The following SLC9A2 variants were observed in gnomAD, a reference collection of about 807,000 sequenced individuals.
SLC9A2 encodes sodium/hydrogen exchanger 2.
Under a neutral mutation model 71.7 loss-of-function variants are expected in SLC9A2, and 42 were observed. The observed-to-expected ratio is 0.59, with a 90% CI of 0.46 to 0.76. The LOEUF (loss-of-function observed/expected upper bound fraction) is 0.76, where lower values mean the gene tolerates loss of function less well. Ranked by LOEUF, SLC9A2 falls within the 30% of genes least tolerant of loss-of-function variation. The pLI, the probability that SLC9A2 is intolerant of heterozygous loss-of-function variation, is 0.00. For synonymous variants in SLC9A2, 396 were observed against 392.5 expected, an observed-to-expected ratio of 1.01 and a Z score of -0.10; for missense variants, 829 against 1,017.4, an observed-to-expected ratio of 0.81 and a Z score of 2.52.
chr2:102,690,029 T>G (rs2104544926), intron 5 of SLC9A2, among the ~76,000 whole-genome samples: 1 of 152,228 alleles, frequency 6.6e-6, no homozygotes, highest in South Asian at 2.1e-4. Flanking sequence ...CAATATATGG[T>G]TTTTAACACA....
intron 5 of SLC9A2, among the ~76,000 whole-genome samples, chr2:102,693,187 G>A (rs1677696042): frequency 6.6e-6 from 1 of 151,848 alleles, no homozygotes; most frequent in Non-Finnish European, 1.5e-5. Flanking sequence ...GTTAGTTACT[G>A]TACCAAATTT....
At chr2:102,707,146 G>A (rs1174755405) in intron 11 of SLC9A2, among the ~76,000 whole-genome samples, 4 of 152,170 alleles carry the variant, frequency 2.6e-5, no homozygotes, top group East Asian at 1.9e-4. Context: ...ATTACCCATT[G>A]GTACTATGCT....
rs141048533 is a variant in SLC9A2, at chr2:102,645,697, A to C, written c.290-11867A>C. Among the ~76,000 whole-genome samples, 96 of 152,166 alleles carry C rather than the reference A, an allele frequency of 6.3e-4. 2 individuals are homozygous for C. The East Asian group carries it at 0.016, about 26-fold the overall frequency. ...CCGAATTAATCAAGCGGAAGAAAGG[A>C]TATCAGAGATTGGAGATCAACTTAA... On this transcript the variant is annotated intron_variant, in intron 1 of 11. Coordinates refer to ENST00000233969, the MANE Select transcript of SLC9A2 (RefSeq NM_003048.6).
At chr2:102,629,569 A>C (rs1029383042) in intron 1 of SLC9A2, among the ~76,000 whole-genome samples, 1 of 152,146 alleles carries the variant, frequency 6.6e-6, no homozygotes, top group Non-Finnish European at 1.5e-5. Flanking sequence ...CTTATTGTGT[A>C]TAATGATATA....
intron 5 of SLC9A2, among the ~76,000 whole-genome samples, chr2:102,688,060 G>A (rs557220986): frequency 1.7e-4 from 26 of 152,224 alleles, no homozygotes; most frequent in Admixed American, 9.8e-4. Context: ...GATTACAAGC[G>A]CGAGCACCAC....
chr2:102,674,399 T>C (rs1469257948), intron 3 of SLC9A2, among the ~76,000 whole-genome samples: 1 of 152,180 alleles, frequency 6.6e-6, no homozygotes, highest in Non-Finnish European at 1.5e-5. Flanking sequence ...CCCTCCTGTG[T>C]TGGCTTCTGG....
In SLC9A2 at chr2:102,709,130, A is replaced by G. The variant is rs953847750; in HGVS notation, c.*641A>G. The G allele has an allele frequency of 2.0e-5, 3 of 152,542 alleles. No individual in the cohort carries two copies. The highest frequency in any genetic ancestry group is 4.4e-5 in the Non-Finnish European group (3 of 68,174). 9.4% of individuals were successfully genotyped at this position (152,542 alleles called of 1,614,324 possible). A position where few individuals can be genotyped will look rare whatever the true frequency, so the allele number is the denominator to read the frequency against. On this transcript the variant is annotated 3_prime_UTR_variant, in exon 12 of 12. Transcript: ENST00000233969. ...GCAGATTGGAGGCCCCAGAACTCCT[A>G]TGAACTACTGAGAGTCTACTGGTTT...
At chr2:102,629,368 C>T (rs1163310179) in intron 1 of SLC9A2, among the ~76,000 whole-genome samples, 3 of 151,926 alleles carry the variant, frequency 2.0e-5, no homozygotes, top group East Asian at 1.9e-4. Flanking sequence ...CTTGATTTTG[C>T]GCATGTACTT....
chr2:102,672,080 G>A (rs756491750), intron 3 of SLC9A2, among the ~76,000 whole-genome samples: 7 of 152,086 alleles, frequency 4.6e-5, no homozygotes, highest in Non-Finnish European at 8.8e-5. Context: ...CTGCACTCCA[G>A]CCTGGGAGAC....
intron 7 of SLC9A2, among the ~76,000 whole-genome samples, chr2:102,698,811 C>T (rs1235396903): frequency 6.6e-6 from 1 of 152,198 alleles, no homozygotes. Flanking sequence ...CTGACCAAAG[C>T]AAGGAACATT....
At chr2:102,683,611 G>C (rs41280599) in intron 4 of SLC9A2, 133 bp downstream of exon 4, 1 of 689,408 alleles carries the variant, frequency 1.5e-6, no homozygotes. Context: ...TCTTACCTAC[G>C]TCTTCCTCCT....
At chr2:102,654,137 G>A (rs1005301114) in intron 1 of SLC9A2, among the ~76,000 whole-genome samples, 3 of 151,378 alleles carry the variant, frequency 2.0e-5, no homozygotes, top group Non-Finnish European at 2.9e-5. Flanking sequence ...CCGCGTTAAG[G>A]AAAGGAAGTG....
In SLC9A2 at chr2:102,696,920, A is replaced by T. The variant is rs181329830; in HGVS notation, c.1586+1807A>T. ...GCAGGTGGTAGACCAGAGATCCTAT[A>T]CATCTACCCTATGACTCTGGGACAT... On this transcript the variant is annotated intron_variant, in intron 7 of 11. Transcript: ENST00000233969. Among the ~76,000 whole-genome samples, 255 of 152,308 alleles carry T rather than the reference A, an allele frequency of 1.7e-3. 1 individual carries two copies. Among genetic ancestry groups the T allele is most frequent in the African/African-American group, 6.0e-3 (250 of 41,560 alleles).
intron 1 of SLC9A2, among the ~76,000 whole-genome samples, chr2:102,622,107 A>G (rs977520577): frequency 6.6e-6 from 1 of 152,202 alleles, no homozygotes; most frequent in African/African-American, 2.4e-5. Flanking sequence ...GAGTGTCTTA[A>G]TTCCACTGAG....
chr2:102,687,822 A>G (rs968845523), intron 5 of SLC9A2, among the ~76,000 whole-genome samples: 4 of 151,542 alleles, frequency 2.6e-5, no homozygotes, highest in African/African-American at 9.7e-5. Flanking sequence ...TCTGTCACCT[A>G]GGCTGGAGTG....
At chr2:102,649,917 C>G (rs548872552) in intron 1 of SLC9A2, among the ~76,000 whole-genome samples, 34 of 152,268 alleles carry the variant, frequency 2.2e-4, no homozygotes, top group Admixed American at 9.2e-4. Context: ...GGTGATTCCT[C>G]AAGGATCTAG....
intron 1 of SLC9A2, among the ~76,000 whole-genome samples, chr2:102,641,563 G>A (rs1480413273): frequency 6.6e-6 from 1 of 151,662 alleles, no homozygotes; most frequent in Non-Finnish European, 1.5e-5. Context: ...TCCTTAAAAA[G>A]CCCCTCCCCC....
chr2:102,687,748 C>T (rs1002183482), intron 5 of SLC9A2, among the ~76,000 whole-genome samples: 1 of 151,854 alleles, frequency 6.6e-6, no homozygotes, highest in African/African-American at 2.4e-5. Flanking sequence ...ATGAGGCACA[C>T]TATCATGTTG....
intron 1 of SLC9A2, among the ~76,000 whole-genome samples, chr2:102,620,770 T>C (rs1202112550): frequency 1.3e-5 from 2 of 152,044 alleles, no homozygotes; most frequent in African/African-American, 2.4e-5. Flanking sequence ...CCCAGGACAA[T>C]GGCCCAGCCT....
Sources: gnomAD v4.1 joint callset for allele counts (sites outside exome capture counted in the v4.1 genomes callset) on GRCh38, gnomAD v4.1.1 for gene constraint, MANE v1.5 for transcripts, NCBI Gene and HGNC (gene_info 2026-07-23, HGNC 2026-07-21) for gene names.